NDFIP1: variants seen among roughly 807,000 people sequenced by gnomAD.
The protein encoded by NDFIP1 is Nedd4 family interacting protein 1, also known as NEDD4 family-interacting protein 1.
A neutral mutation model predicts 28.8 loss-of-function variants in NDFIP1; 7 were observed. That is an observed-to-expected ratio of 0.24 (90% CI 0.14 to 0.46). The LOEUF is 0.46. Ranked by LOEUF, NDFIP1 falls within the 20% of genes least tolerant of loss-of-function variation. The pLI, the probability that NDFIP1 is intolerant of heterozygous loss-of-function variation, is 0.99. For synonymous variants in NDFIP1, 92 were observed against 101.0 expected (o/e 0.91, Z 0.53); for missense variants, 194 against 269.1 (o/e 0.72, Z 1.95).
chr5:142,144,754 G>A, intron 7 of NDFIP1, 78 bp downstream of exon 7: 1 of 935,424 alleles, frequency 1.1e-6, no homozygotes, highest in Non-Finnish European at 1.7e-6. Context: ...TTTAGAGTAA[G>A]TATCTGTGAT....
At chr5:142,121,446 C>A (rs543773805) in intron 1 of NDFIP1, among the ~76,000 whole-genome samples, 1 of 152,114 alleles carries the variant, frequency 6.6e-6, no homozygotes, top group South Asian at 2.1e-4. Context: ...TATAGATATA[C>A]CTTGTGCAAA....
intron 5 of NDFIP1, among the ~76,000 whole-genome samples, 166 bp from the exon 6 acceptor site, chr5:142,140,397 G>A (rs1205619851): frequency 2.0e-5 from 3 of 148,988 alleles, no homozygotes; most frequent in African/African-American, 5.0e-5. Context: ...GCAGTGAGCC[G>A]AGATCACGCC....
chr5:142,143,620 T>A (rs1258474146), intron 6 of NDFIP1: 1 of 152,180 alleles, frequency 6.6e-6, no homozygotes, highest in African/African-American at 2.4e-5. Context: ...GAGGGGCATA[T>A]CACCTCTCTG....
In NDFIP1 at chr5:142,116,349, T is replaced by TC. The variant is rs1561597796; in HGVS notation, c.63+7313dup. On this transcript the variant is annotated intron_variant, in intron 1 of 7. Coordinates refer to ENST00000253814, the MANE Select transcript of NDFIP1 (RefSeq NM_030571.4). ...TTCCTTCCTTCCTTCCTTCCTTCCT[T>TC]CTTTCTCTCTCTCTCTCTCTCTCTT... is the stretch of plus-strand genomic sequence containing the variant. Among the ~76,000 whole-genome samples, 299 of 118,936 alleles carry TC rather than the reference T, an allele frequency of 2.5e-3. 1 individual carries two copies. Among genetic ancestry groups the TC allele is most frequent in the African/African-American group, 8.2e-3 (285 of 34,942 alleles). The allele number at this position is 118,936 out of a possible 152,430, so 78.0% of individuals were successfully genotyped here.
intron 5 of NDFIP1, among the ~76,000 whole-genome samples, chr5:142,139,063 C>A (rs1179532008): frequency 3.3e-5 from 5 of 150,708 alleles, no homozygotes; most frequent in Admixed American, 2.0e-4. Context: ...TAAAAAAATA[C>A]AAAAAAAATA....
intron 6 of NDFIP1, chr5:142,143,116 G>A (rs1334816978): frequency 2.6e-5 from 4 of 151,654 alleles, no homozygotes; most frequent in Admixed American, 6.6e-5. Flanking sequence ...TTGAGCTATA[G>A]TTAGCCTATA....
intron 1 of NDFIP1, among the ~76,000 whole-genome samples, chr5:142,125,061 C>T (rs1304750979): frequency 5.3e-5 from 8 of 152,134 alleles, no homozygotes; most frequent in Admixed American, 2.0e-4. Flanking sequence ...CTCCTAACCT[C>T]GTGATCTGCC....
At chr5:142,119,917 A>G (rs1013579570) in intron 1 of NDFIP1, among the ~76,000 whole-genome samples, 3 of 152,178 alleles carry the variant, frequency 2.0e-5, no homozygotes, top group Admixed American at 1.3e-4. Context: ...TCCTTTCTCT[A>G]TAGAATTCAG....
At chr5:142,146,192 G>A (rs2126923597) in intron 7 of NDFIP1, among the ~76,000 whole-genome samples, 1 of 149,720 alleles carries the variant, frequency 6.7e-6, no homozygotes, top group South Asian at 2.1e-4. Flanking sequence ...TTTAAAGTTA[G>A]TTTCATTATT....
chr5:142,135,696 T>G, intron 3 of NDFIP1, 34 bp from the exon 4 acceptor site: 1 of 1,581,440 alleles, frequency 6.3e-7, no homozygotes, highest in South Asian at 1.1e-5. Flanking sequence ...TGTCTTCCCT[T>G]TGCCTAGAAA....
At chr5:142,132,118 G>A in intron 2 of NDFIP1, 94 bp from the exon 3 acceptor site, 1 of 1,433,330 alleles carries the variant, frequency 7.0e-7, no homozygotes, top group Non-Finnish European at 9.5e-7. Context: ...TACTCTTAAG[G>A]GAATGGCTGG....
chr5:142,117,221 A>G (rs1446378053), intron 1 of NDFIP1, among the ~76,000 whole-genome samples: 1 of 150,442 alleles, frequency 6.6e-6, no homozygotes, highest in African/African-American at 2.5e-5. Flanking sequence ...GTGCCTGTTT[A>G]ATAATGATTT....
chr5:142,138,052 A>G (rs1596792083), intron 5 of NDFIP1, 194 bp downstream of exon 5: 1 of 541,426 alleles, frequency 1.8e-6, no homozygotes, highest in Non-Finnish European at 3.1e-6. Flanking sequence ...TTTGTTGTCA[A>G]ATCTATTGAA....
At chr5:142,121,897 C>CT (rs1207623194) in intron 1 of NDFIP1, among the ~76,000 whole-genome samples, 1 of 152,232 alleles carries the variant, frequency 6.6e-6, no homozygotes, top group Non-Finnish European at 1.5e-5. Context: ...CCAACACTCA[C>CT]TAATGTATCC....
In NDFIP1 at chr5:142,137,796, G is replaced by A; in HGVS notation, c.433G>A (p.Gly145Arg). ...LSFCLTTSAA[G>R]RYGAISGFGL... ...TTTTTGCCTGACCACTTCAGCTGCA[G>A]GAAGGTATGGGGCCATTTCAGGATT... The change falls in exon 5 of 8, where the codon GGA (glycine) becomes AGA (arginine). Residue 145 changes from glycine to arginine, a missense_variant. Coordinates refer to ENST00000253814, the MANE Select transcript of NDFIP1 (RefSeq NM_030571.4). The A allele has an allele frequency of 6.2e-7, 1 of 1,614,166 alleles. No individual in the cohort carries two copies. Among genetic ancestry groups the A allele is most frequent in the South Asian group, 1.1e-5 (1 of 91,086 alleles).
rs191538416 is a variant in NDFIP1, at chr5:142,149,488, G to A, written c.*3-2243G>A. Among the ~76,000 whole-genome samples, 861 of 134,790 alleles carry A rather than the reference G, an allele frequency of 6.4e-3. 7 individuals are homozygous for A. The highest frequency in any genetic ancestry group is 0.018 in the Middle Eastern group (4 of 226). The allele number at this position is 134,790 out of a possible 152,430, so 88.4% of individuals were successfully genotyped here. On this transcript the variant is annotated intron_variant, in intron 7 of 7. Coordinates refer to ENST00000253814, the MANE Select transcript of NDFIP1 (RefSeq NM_030571.4). ...GATCTGATCTATAATTTAGTAATACGGTCCAGAGTCCCTAAGATCTGTTTG... is the reference window on the plus strand; with the variant it reads ...GATCTGATCTATAATTTAGTAATACAGTCCAGAGTCCCTAAGATCTGTTTG...
In NDFIP1 at chr5:142,108,938, C is replaced by T. The variant is rs1257345948; in HGVS notation, c.-37C>T. 2.1e-6 allele frequency: 3 copies of T among 1,407,870 alleles called. No homozygotes were observed. Among genetic ancestry groups the T allele is most frequent in the Admixed American group, 2.9e-5 (1 of 35,014 alleles). 87.2% of individuals were successfully genotyped at this position (1,407,870 alleles called of 1,614,324 possible). ...AGCGGCCGCGCCCCTTCAGCTAGCT[C>T]GCTCGCTCGCTCTGCTTCCCTGCTG... On this transcript the variant is annotated 5_prime_UTR_variant, in exon 1 of 8. Transcript: ENST00000253814.
chr5:142,152,105 A>G lies in NDFIP1; in HGVS notation c.*377A>G, dbSNP rs1031412111. Reference sequence around the variant, plus strand: ...TCCATCTCAAAATGAACTTGGAATTAAATATTGTAAGATATGTATAATGCT... The same window carrying G: ...TCCATCTCAAAATGAACTTGGAATTGAATATTGTAAGATATGTATAATGCT... On this transcript the variant is annotated 3_prime_UTR_variant, in exon 8 of 8. Coordinates refer to ENST00000253814, the MANE Select transcript of NDFIP1 (RefSeq NM_030571.4). 3.1e-4 allele frequency: 47 copies of G among 152,780 alleles called. No homozygotes were observed. The highest frequency in any genetic ancestry group is 1.1e-3 in the African/African-American group (45 of 41,466). The allele number at this position is 152,780 out of a possible 1,614,324, so 9.5% of individuals were successfully genotyped here. A position where few individuals can be genotyped will look rare whatever the true frequency, so the allele number is the denominator to read the frequency against.
intron 1 of NDFIP1, among the ~76,000 whole-genome samples, chr5:142,125,138 T>C (rs896522241): frequency 2.6e-5 from 4 of 152,176 alleles, no homozygotes; most frequent in Middle Eastern, 3.2e-3. Flanking sequence ...GTTTTTAAGG[T>C]TCATCCATAT....
Sources: allele counts gnomAD v4.1 joint callset (sites outside exome capture counted in the v4.1 genomes callset), GRCh38; gene constraint gnomAD v4.1.1; transcripts MANE v1.5; gene names NCBI Gene and HGNC (gene_info 2026-07-23, HGNC 2026-07-21).